Variants in PPP1R1C observed in about 807,000 individuals in gnomAD.
The protein encoded by PPP1R1C is protein phosphatase 1 regulatory inhibitor subunit 1C.
Under a neutral mutation model 17.4 loss-of-function variants are expected in PPP1R1C, and 15 were observed. The ratio of observed to expected loss-of-function variants is 0.86; its 90% CI spans 0.58 to 1.33. The LOEUF is 1.33. Among genes scored for constraint, PPP1R1C ranks in the 40% most tolerant of loss-of-function variants. PPP1R1C has a pLI of 0.00. For missense variants in PPP1R1C, 143 were observed against 130.0 expected (o/e 1.10, Z -0.48); for synonymous variants, 35 against 43.1 (o/e 0.81, Z 0.73).
chr2:181,969,232 T>C (rs1684960422), intron 1 of PPP1R1C, among the ~76,000 whole-genome samples: 1 of 152,216 alleles, frequency 6.6e-6, no homozygotes, highest in South Asian at 2.1e-4. Context: ...GCTATTAATG[T>C]CTTTTAATTT....
chr2:182,081,056 C>T (rs1343878462), intron 4 of PPP1R1C, among the ~76,000 whole-genome samples: 1 of 152,186 alleles, frequency 6.6e-6, no homozygotes, highest in Non-Finnish European at 1.5e-5. Flanking sequence ...TTGGTTGCTA[C>T]TTCATTTGAT....
intron 2 of PPP1R1C, among the ~76,000 whole-genome samples, chr2:182,055,688 C>A (rs889616636): frequency 1.3e-5 from 2 of 152,100 alleles, no homozygotes; most frequent in Non-Finnish European, 2.9e-5. Flanking sequence ...ACTTGAAGAC[C>A]GTTGTGCTGC....
upstream of PPP1R1C, among the ~76,000 whole-genome samples, chr2:181,982,901 G>A (rs530370463): frequency 3.3e-5 from 5 of 152,074 alleles, no homozygotes; most frequent in South Asian, 8.3e-4. Flanking sequence ...TGTTCTAGAG[G>A]CCTTTTTAAT....
intron 4 of PPP1R1C, among the ~76,000 whole-genome samples, chr2:182,082,985 A>T (rs990369788): frequency 6.6e-6 from 1 of 152,282 alleles, no homozygotes; most frequent in East Asian, 1.9e-4. Flanking sequence ...ACACTGTTAG[A>T]TATGTATACT....
Position 182,067,673 on chromosome 2 carries a change from AAAC to A in PPP1R1C, c.241+3891_241+3893del, listed in dbSNP as rs1574424643. Among the ~76,000 whole-genome samples, 3 of 152,270 alleles carry A rather than the reference AAAC, an allele frequency of 2.0e-5. No individual in the cohort carries two copies. The East Asian group carries it at 5.8e-4, about 29-fold the overall frequency. On this transcript the variant is annotated intron_variant, in intron 4 of 4. Transcript: ENST00000682840. ...AAATCAATGGGTTGTTCACCCCACA[AAAC>A]AACAACAAAGAAAAATATATTCAAA...
intron 4 of PPP1R1C, among the ~76,000 whole-genome samples, chr2:182,066,032 G>A (rs990884083): frequency 1.3e-5 from 2 of 152,034 alleles, no homozygotes; most frequent in Non-Finnish European, 2.9e-5. Context: ...TCAGAAACTT[G>A]TGGAGACTTC....
At chr2:182,070,680 T>C (rs1291458342) in intron 4 of PPP1R1C, among the ~76,000 whole-genome samples, 3 of 152,214 alleles carry the variant, frequency 2.0e-5, no homozygotes, top group Non-Finnish European at 4.4e-5. Context: ...AATAGTTGTA[T>C]AAAACAGTTC....
At chr2:181,991,581 C>G (rs1685474546) in intron 2 of PPP1R1C, among the ~76,000 whole-genome samples, 1 of 152,080 alleles carries the variant, frequency 6.6e-6, no homozygotes, top group Non-Finnish European at 1.5e-5. Flanking sequence ...AGGAATAACT[C>G]TCAACAGTCA....
chr2:182,048,564 G>C (rs1687413375), intron 2 of PPP1R1C, among the ~76,000 whole-genome samples: 1 of 152,130 alleles, frequency 6.6e-6, no homozygotes, highest in Non-Finnish European at 1.5e-5. Flanking sequence ...AATAACACAA[G>C]GAAATGGCAA....
At chr2:182,007,087 C>T (rs1376851254) in intron 2 of PPP1R1C, among the ~76,000 whole-genome samples, 1 of 152,090 alleles carries the variant, frequency 6.6e-6, no homozygotes, top group Non-Finnish European at 1.5e-5. Flanking sequence ...CTCAAGTCTG[C>T]CATGATCTAG....
At chr2:182,101,203 C>T (rs1438941065) in intron 4 of PPP1R1C, among the ~76,000 whole-genome samples, 3 of 152,116 alleles carry the variant, frequency 2.0e-5, no homozygotes, top group Admixed American at 1.3e-4. Flanking sequence ...GTGAATTTCC[C>T]GAGCAGGCAG....
intron 2 of PPP1R1C, among the ~76,000 whole-genome samples, chr2:181,990,690 G>A (rs1183695392): frequency 1.3e-5 from 2 of 152,148 alleles, no homozygotes; most frequent in Admixed American, 6.5e-5. Flanking sequence ...ATTTCTGCGC[G>A]ATCCAACAGT....
At chr2:182,072,662 G>A (rs1016399514) in intron 4 of PPP1R1C, among the ~76,000 whole-genome samples, 3 of 152,038 alleles carry the variant, frequency 2.0e-5, no homozygotes, top group Admixed American at 2.0e-4. Flanking sequence ...TATCCTGTTT[G>A]CCCTAACTAA....
In PPP1R1C at chr2:181,962,309, C is replaced by T; in HGVS notation, n.111+7675C>T. 4 of 828,480 alleles carry T rather than the reference C, an allele frequency of 4.8e-6. No homozygotes were observed. Among genetic ancestry groups the T allele is most frequent in the Non-Finnish European group, 8.0e-6 (4 of 500,760 alleles). 51.3% of individuals were successfully genotyped at this position (828,480 alleles called of 1,614,324 possible). On this transcript the variant is annotated intron_variant and non_coding_transcript_variant, in intron 1 of 5. Transcript: ENST00000464264. This position sits in a 1 kb window ranked among gnomAD's most constrained non-coding sequence, Gnocchi z 6.0. ...CGCGGCCAGGTCCCCGGACCCCATG[C>T]CACCCCGGAAGCTGGTGGAGCGGGA...
chr2:181,965,687 GCT>G (rs1684893743), intron 1 of PPP1R1C, among the ~76,000 whole-genome samples: 1 of 152,094 alleles, frequency 6.6e-6, no homozygotes, highest in Admixed American at 6.5e-5. Flanking sequence ...CCAAAACCAT[GCT>G]GTTTTGGTTA....
intron 2 of PPP1R1C, among the ~76,000 whole-genome samples, chr2:182,036,504 A>G (rs907065659): frequency 6.6e-6 from 1 of 152,226 alleles, no homozygotes; most frequent in Non-Finnish European, 1.5e-5. Flanking sequence ...GTATACTAAT[A>G]CTTAATTCTG....
chr2:182,103,296 T>G (rs1173822720), intron 4 of PPP1R1C, among the ~76,000 whole-genome samples: 3 of 152,246 alleles, frequency 2.0e-5, no homozygotes, highest in Non-Finnish European at 4.4e-5. Context: ...AGCAAGAATT[T>G]TGTTTAATAT....
chr2:182,110,520 G>T (rs1296790299), intron 4 of PPP1R1C, among the ~76,000 whole-genome samples: 1 of 152,036 alleles, frequency 6.6e-6, no homozygotes, highest in Non-Finnish European at 1.5e-5. Flanking sequence ...GCATACACTG[G>T]CAACAGTCTG....
chr2:182,050,452 G>A (rs1481067041), intron 2 of PPP1R1C, among the ~76,000 whole-genome samples: 4 of 152,112 alleles, frequency 2.6e-5, no homozygotes, highest in Non-Finnish European at 4.4e-5. Flanking sequence ...ATTTCAGTTT[G>A]GTCTTTTGGA....
Sources: allele counts gnomAD v4.1 joint callset (sites outside exome capture counted in the v4.1 genomes callset), GRCh38; gene constraint gnomAD v4.1.1; non-coding constraint Gnocchi (gnomAD v3.1); transcripts MANE v1.5; gene names NCBI Gene and HGNC (gene_info 2026-07-23, HGNC 2026-07-21).